EPB41L3: variants seen among roughly 807,000 people sequenced by gnomAD.
EPB41L3 encodes band 4.1-like protein 3.
A neutral mutation model predicts 127.1 loss-of-function variants in EPB41L3; 57 were observed. The ratio of observed to expected loss-of-function variants is 0.45; its 90% CI spans 0.36 to 0.56. The LOEUF is 0.56. EPB41L3 is among the 20% of genes least tolerant of loss of function. The pLI is 0.00. For synonymous variants in EPB41L3, 572 were observed against 549.5 expected, an observed-to-expected ratio of 1.04 and a Z score of -0.57; for missense variants, 1,273 against 1,372.2, an observed-to-expected ratio of 0.93 and a Z score of 1.14.
chr18:5,451,575 A>T (rs1215657319), intron 3 of EPB41L3, among the ~76,000 whole-genome samples: 1 of 152,164 alleles, frequency 6.6e-6, no homozygotes, highest in African/African-American at 2.4e-5. Context: ...CCGTAAAGAC[A>T]TTTGCAATGG....
chr18:5,464,817 A>G (rs143048256), intron 3 of EPB41L3, among the ~76,000 whole-genome samples: 63 of 152,346 alleles, frequency 4.1e-4, no homozygotes, highest in African/African-American at 1.4e-3. Flanking sequence ...AGAACTAGAA[A>G]GAATGTCCTC....
chr18:5,552,575 C>G (rs1369214748), intron 3 of EPB41L3, among the ~76,000 whole-genome samples: 1 of 152,118 alleles, frequency 6.6e-6, no homozygotes, highest in Non-Finnish European at 1.5e-5. Flanking sequence ...TGAATTGGAT[C>G]TAGCGATTTT....
chr18:5,545,551 A>G (rs2093863070), upstream of EPB41L3, among the ~76,000 whole-genome samples: 1 of 152,216 alleles, frequency 6.6e-6, no homozygotes, highest in Non-Finnish European at 1.5e-5. Context: ...TATGGAGTTT[A>G]TGGGACTATA....
chr18:5,393,444 T>C lies in EPB41L3; in HGVS notation c.*41A>G, dbSNP rs1056547298. 14 of 700,490 alleles carry C rather than the reference T, an allele frequency of 2.0e-5. No individual in the cohort carries two copies. Among genetic ancestry groups the C allele is most frequent in the Non-Finnish European group, 3.4e-5 (13 of 384,178 alleles). The allele number at this position is 700,490 out of a possible 1,614,324, so 43.4% of individuals were successfully genotyped here. On this transcript the variant is annotated 3_prime_UTR_variant, in exon 23 of 23. Coordinates refer to ENST00000341928, the MANE Select transcript of EPB41L3 (RefSeq NM_012307.5). ...ATAGGCTCTGGTTTTCCTAACGGTT[T>C]GCATGACTGCATTCATGTGCAAGCT...
chr18:5,534,557 T>G (rs1557314), intron 1 of EPB41L3, among the ~76,000 whole-genome samples: 35,684 of 152,092 alleles, frequency 0.23, 4,625 homozygotes, highest in African/African-American at 0.34. Context: ...ACCTCTACTG[T>G]TATCTGGAGT....
intron 3 of EPB41L3, among the ~76,000 whole-genome samples, chr18:5,447,708 G>C (rs1453483879): frequency 6.6e-6 from 1 of 152,004 alleles, no homozygotes; most frequent in Non-Finnish European, 1.5e-5. Flanking sequence ...GCCACTTTCT[G>C]GCTGCTGTGT....
intron 1 of EPB41L3, among the ~76,000 whole-genome samples, chr18:5,502,894 G>A (rs546782089): frequency 1.9e-4 from 29 of 152,294 alleles, no homozygotes; most frequent in Admixed American, 1.5e-3. Flanking sequence ...ACCATCAGAC[G>A]CCAGACAGCT....
intron 11 of EPB41L3, 128 bp from the exon 12 acceptor site, chr18:5,420,005 T>C (rs1274160532): frequency 1.8e-5 from 27 of 1,519,288 alleles, no homozygotes; most frequent in East Asian, 2.3e-5. Context: ...ATACCAACTA[T>C]ATCTTTACTG....
At chr18:5,515,639 C>G (rs530994467) in intron 1 of EPB41L3, among the ~76,000 whole-genome samples, 2 of 152,266 alleles carry the variant, frequency 1.3e-5, no homozygotes, top group African/African-American at 4.8e-5. Flanking sequence ...AGGCAAAAAT[C>G]TCCCCCTCCT....
intron 1 of EPB41L3, chr18:5,489,415 G>T: frequency 1.9e-6 from 1 of 516,574 alleles, no homozygotes; most frequent in Non-Finnish European, 3.3e-6. Context: ...AGGAGGAAAA[G>T]TTGATCTGTA....
chr18:5,517,950 T>C (rs1443210632), intron 1 of EPB41L3, among the ~76,000 whole-genome samples: 1 of 152,168 alleles, frequency 6.6e-6, no homozygotes, highest in East Asian at 1.9e-4. Context: ...TCTATACCTA[T>C]GCTCAGTCTT....
At chr18:5,484,272 T>A (rs1162672660) in intron 2 of EPB41L3, among the ~76,000 whole-genome samples, 1 of 146,300 alleles carries the variant, frequency 6.8e-6, no homozygotes, top group Non-Finnish European at 1.5e-5. Flanking sequence ...ACTAAGAAGT[T>A]AAAAAAAAAA....
intron 13 of EPB41L3, among the ~76,000 whole-genome samples, chr18:5,414,896 C>T (rs1054355756): frequency 6.6e-6 from 1 of 152,170 alleles, no homozygotes; most frequent in African/African-American, 2.4e-5. Flanking sequence ...AGGAGCCTGC[C>T]CTGCAGCAGC....
chr18:5,430,194 T>C (rs2078797900), intron 8 of EPB41L3, among the ~76,000 whole-genome samples: 1 of 152,182 alleles, frequency 6.6e-6, no homozygotes, highest in Non-Finnish European at 1.5e-5. Flanking sequence ...CCTCTTCTTG[T>C]CCCCTCCAAA....
chr18:5,560,363 C>A (rs2094107243), intron 3 of EPB41L3, among the ~76,000 whole-genome samples: 1 of 152,134 alleles, frequency 6.6e-6, no homozygotes. Context: ...ACTCTCATCC[C>A]TACCATAAAG....
chr18:5,505,127 A>G (rs960171727), intron 1 of EPB41L3, among the ~76,000 whole-genome samples: 1 of 152,124 alleles, frequency 6.6e-6, no homozygotes, highest in Non-Finnish European at 1.5e-5. Flanking sequence ...CAGACCTAAG[A>G]GTCTTAAGGA....
At chr18:5,516,168 G>A (rs369422653) in intron 1 of EPB41L3, among the ~76,000 whole-genome samples, 7 of 152,194 alleles carry the variant, frequency 4.6e-5, no homozygotes, top group Non-Finnish European at 7.3e-5. Flanking sequence ...AGATACTCCC[G>A]AAACTCACAC....
chr18:5,537,947 T>C (rs550676867), intron 1 of EPB41L3, among the ~76,000 whole-genome samples: 7 of 152,108 alleles, frequency 4.6e-5, no homozygotes, highest in Non-Finnish European at 8.8e-5. Context: ...GCATTACATA[T>C]TATAAAGTAC....
At chr18:5,619,731 A>AT (rs1302096202) in intron 1 of EPB41L3, among the ~76,000 whole-genome samples, 42 of 152,162 alleles carry the variant, frequency 2.8e-4, no homozygotes, top group Non-Finnish European at 5.0e-4. Flanking sequence ...GCCATGTATT[A>AT]TTTTTTATTT....
Sources: gnomAD v4.1 joint callset for allele counts (sites outside exome capture counted in the v4.1 genomes callset) on GRCh38, gnomAD v4.1.1 for gene constraint, MANE v1.5 for transcripts, NCBI Gene and HGNC (gene_info 2026-07-23, HGNC 2026-07-21) for gene names.